The following SPHKAP variants were observed in gnomAD, a reference collection of about 807,000 sequenced individuals.
The protein encoded by SPHKAP is A-kinase anchor protein SPHKAP.
SPHKAP carries 67 observed loss-of-function variants against 137.5 expected under a neutral mutation model. The ratio of observed to expected loss-of-function variants is 0.49; its 90% CI spans 0.40 to 0.60. SPHKAP has a LOEUF of 0.60. Among genes scored for constraint, SPHKAP ranks in the 20% least tolerant of loss-of-function variants. The pLI is 0.00. For missense variants in SPHKAP, 2,097 were observed against 2,069.3 expected (o/e 1.01, Z -0.26); for synonymous variants, 813 against 785.3 (o/e 1.04, Z -0.59).
chr2:228,026,702 C>T (rs112512598), intron 4 of SPHKAP, among the ~76,000 whole-genome samples: 2 of 152,106 alleles, frequency 1.3e-5, no homozygotes, highest in African/African-American at 4.8e-5. Context: ...CATAGTACTA[C>T]ACATATGATG....
At chr2:228,030,190 T>C (rs1055173331) in intron 3 of SPHKAP, among the ~76,000 whole-genome samples, 1 of 152,126 alleles carries the variant, frequency 6.6e-6, no homozygotes, top group Non-Finnish European at 1.5e-5. Flanking sequence ...TAAGGCCTGA[T>C]GTGCATGCAA....
chr2:228,076,452 G>A (rs1697187083), intron 3 of SPHKAP, among the ~76,000 whole-genome samples: 1 of 152,210 alleles, frequency 6.6e-6, no homozygotes, highest in Non-Finnish European at 1.5e-5. Flanking sequence ...CCAAAATGCT[G>A]ATAATAACAT....
rs1265317210 is a variant in SPHKAP, at chr2:228,017,174, G to C, written c.3680C>G (p.Ser1227Cys). ...TCTGTGGCACACTGGGGATCGCAGA[G>C]AAGGAGACAGCAGGCCGGCTGTCCA... Reference protein sequence around the residue: ...QDWTAGLLSPSLRSPVCHRQS... With the variant: ...QDWTAGLLSPCLRSPVCHRQS... The change falls in exon 7 of 12, where the codon TCT (serine) becomes TGT (cysteine). Residue 1227 changes from serine (S) to cysteine (C), a missense_variant. Physicochemically the swap from Ser to Cys is moderately radical, Grantham distance 112. Transcript: ENST00000392056. 6.2e-7 allele frequency: 1 copy of C among 1,613,810 alleles called. No homozygotes were observed. The highest frequency in any genetic ancestry group is 1.7e-5 in the Admixed American group (1 of 60,028).
At chr2:227,991,236 A>G (rs927337015) in intron 10 of SPHKAP, 38 bp downstream of exon 10, 2 of 1,614,208 alleles carry the variant, frequency 1.2e-6, no homozygotes, top group Non-Finnish European at 1.7e-6. Context: ...GGGACAGCCC[A>G]GGCAATTGTG....
At chr2:228,128,437 T>A (rs1699143862) in intron 2 of SPHKAP, among the ~76,000 whole-genome samples, 1 of 152,174 alleles carries the variant, frequency 6.6e-6, no homozygotes. Flanking sequence ...TTTCTTGTTA[T>A]TTCAACCACA....
intron 3 of SPHKAP, among the ~76,000 whole-genome samples, chr2:228,086,574 A>G (rs548742160): frequency 6.6e-6 from 1 of 152,238 alleles, no homozygotes; most frequent in South Asian, 2.1e-4. Context: ...CACCCTAGAT[A>G]TTTCAGGATA....
intron 3 of SPHKAP, among the ~76,000 whole-genome samples, chr2:228,096,292 A>C (rs866416681): frequency 1.3e-5 from 2 of 152,242 alleles, no homozygotes; most frequent in Middle Eastern, 3.4e-3. Context: ...TACCTACTGG[A>C]TTAATTTTTA....
chr2:228,115,783 A>T (rs1323931053), intron 2 of SPHKAP, among the ~76,000 whole-genome samples: 1 of 152,060 alleles, frequency 6.6e-6, no homozygotes, highest in Non-Finnish European at 1.5e-5. Context: ...AATAAAAGGG[A>T]TGGGGATTGT....
Position 227,980,122 on chromosome 2 carries a change from A to C in SPHKAP, c.*1595T>G, listed in dbSNP as rs1011179698. The C allele has an allele frequency of 2.6e-5, 4 of 152,694 alleles. No individual in the cohort carries two copies. The highest frequency in any genetic ancestry group is 9.6e-5 in the African/African-American group (4 of 41,472). 9.5% of individuals were successfully genotyped at this position (152,694 alleles called of 1,614,324 possible). ...CTGGGATTGTTTAAAAAATAAGTGT[A>C]TTCTATTCCATTTGATAGCACAAAG... On this transcript the variant is annotated 3_prime_UTR_variant, in exon 12 of 12. Transcript: ENST00000392056.
At chr2:228,032,649 G>A (rs867228503) in intron 3 of SPHKAP, among the ~76,000 whole-genome samples, 57 of 152,270 alleles carry the variant, frequency 3.7e-4, no homozygotes, top group Middle Eastern at 3.4e-3. Context: ...TACCCACAAA[G>A]GGAAGCCCAT....
intron 3 of SPHKAP, among the ~76,000 whole-genome samples, chr2:228,082,120 G>A (rs146906470): frequency 2.6e-5 from 4 of 152,256 alleles, no homozygotes; most frequent in Non-Finnish European, 4.4e-5. Context: ...AAAACAGGCA[G>A]TGGCCCAGAT....
At chr2:228,066,436 G>C (rs1696829596) in intron 3 of SPHKAP, among the ~76,000 whole-genome samples, 2 of 152,228 alleles carry the variant, frequency 1.3e-5, no homozygotes, top group South Asian at 4.2e-4. Context: ...CTTGACACAA[G>C]GTAATTCATT....
intron 3 of SPHKAP, among the ~76,000 whole-genome samples, chr2:228,095,282 G>C (rs1303844383): frequency 6.6e-6 from 1 of 152,182 alleles, no homozygotes; most frequent in Non-Finnish European, 1.5e-5. Flanking sequence ...TGAAAAGATA[G>C]CCGTGGCTGA....
intron 2 of SPHKAP, chr2:228,109,355 T>C: frequency 1.0e-6 from 1 of 984,472 alleles, no homozygotes; most frequent in Non-Finnish European, 1.2e-6. Flanking sequence ...GATGGAATAT[T>C]GATTCTTCAC....
At position 228,181,606 on chromosome 2, in the gene SPHKAP, G is replaced by A. The variant is rs745542116; in HGVS notation, c.-8C>T. The A allele has an allele frequency of 1.2e-5, 20 of 1,614,036 alleles. No individual in the cohort carries two copies. Among genetic ancestry groups the A allele is most frequent in the Non-Finnish European group, 1.3e-5 (15 of 1,180,032 alleles). ...CAGGGAGTTGCCATCCATTGTTGGT[G>A]GGCGCCCAGAGAAGAAAGACGGAAA... is the stretch of plus-strand genomic sequence containing the variant. On this transcript the variant is annotated 5_prime_UTR_variant, in exon 1 of 12. Transcript: ENST00000392056. This position sits in a 1 kb window ranked among gnomAD's most constrained non-coding sequence, Gnocchi z 4.3.
intron 8 of SPHKAP, chr2:227,994,243 A>G (rs1016781723): frequency 1.7e-5 from 3 of 175,580 alleles, no homozygotes; most frequent in Non-Finnish European, 1.1e-5. Context: ...AAAGAGCAAC[A>G]CCTGGTACCT....
At chr2:228,031,422 T>C (rs1243897674) in intron 3 of SPHKAP, among the ~76,000 whole-genome samples, 3 of 152,212 alleles carry the variant, frequency 2.0e-5, no homozygotes, top group Admixed American at 1.3e-4. Context: ...CCTGCCTCTG[T>C]AGGCTCCACC....
At chr2:228,044,339 AG>A (rs780922426) in intron 3 of SPHKAP, among the ~76,000 whole-genome samples, 13 of 152,192 alleles carry the variant, frequency 8.5e-5, no homozygotes, top group Non-Finnish European at 1.9e-4. Flanking sequence ...AATGCAGGAG[AG>A]GTGCTTCTTT....
At chr2:228,066,680 A>T (rs775679299) in intron 3 of SPHKAP, among the ~76,000 whole-genome samples, 1 of 152,196 alleles carries the variant, frequency 6.6e-6, no homozygotes, top group Non-Finnish European at 1.5e-5. Context: ...ATGTTGCTCA[A>T]CAGTGACAAA....
Sources: gnomAD v4.1 joint callset for allele counts (sites outside exome capture counted in the v4.1 genomes callset) on GRCh38, gnomAD v4.1.1 for gene constraint, Gnocchi (gnomAD v3.1) non-coding constraint, MANE v1.5 for transcripts, NCBI Gene and HGNC (gene_info 2026-07-23, HGNC 2026-07-21) for gene names.